The following ANXA7 variants were observed in gnomAD, a reference collection of about 807,000 sequenced individuals.
The protein encoded by ANXA7 is annexin VII.
A neutral mutation model predicts 64.9 loss-of-function variants in ANXA7; 55 were observed. That is an observed-to-expected ratio of 0.85 (90% CI 0.68 to 1.06). The LOEUF (loss-of-function observed/expected upper bound fraction) is 1.06. Among genes scored for constraint, ANXA7 ranks in the 50% least tolerant of loss-of-function variants. ANXA7 has a pLI of 0.00. For missense variants in ANXA7, 548 were observed against 582.1 expected (o/e 0.94, Z 0.60); for synonymous variants, 200 against 192.4 (o/e 1.04, Z -0.33).
chr10:73,377,767 G>GTGT (rs2055199324), intron 12 of ANXA7, among the ~76,000 whole-genome samples: 5 of 114,204 alleles, frequency 4.4e-5, no homozygotes, highest in African/African-American at 2.3e-4. Context: ...CCGGGGGGTG[G>GTGT]GTGTGGGTGT....
At chr10:73,398,017 A>C (rs144498013) in intron 3 of ANXA7, among the ~76,000 whole-genome samples, 164 bp downstream of exon 3, 141 of 152,312 alleles carry the variant, frequency 9.3e-4, no homozygotes, top group African/African-American at 3.1e-3. Context: ...ATGTCCCCAG[A>C]GAATCTTCAT....
chr10:73,379,759 G>A (rs936810970), intron 11 of ANXA7, 120 bp downstream of exon 11: 1 of 956,830 alleles, frequency 1.0e-6, no homozygotes, highest in African/African-American at 1.6e-5. Flanking sequence ...CAAAGGATTA[G>A]ATCAGCTACT....
chr10:73,402,037 T>A (rs983462369), intron 1 of ANXA7, among the ~76,000 whole-genome samples: 1 of 152,178 alleles, frequency 6.6e-6, no homozygotes, highest in Non-Finnish European at 1.5e-5. Flanking sequence ...TTAAAATAAA[T>A]ACTTAGCTAT....
intron 5 of ANXA7, among the ~76,000 whole-genome samples, chr10:73,392,157 T>C (rs1357349699): frequency 1.3e-5 from 2 of 152,078 alleles, no homozygotes; most frequent in African/African-American, 2.4e-5. Context: ...CAGGAAGAAG[T>C]TGAATCCCTG....
intron 7 of ANXA7, among the ~76,000 whole-genome samples, chr10:73,387,483 C>T (rs2055393648): frequency 6.6e-6 from 1 of 152,144 alleles, no homozygotes; most frequent in Non-Finnish European, 1.5e-5. Context: ...CCATTGCACT[C>T]CAGCCTGGAT....
intron 5 of ANXA7, among the ~76,000 whole-genome samples, chr10:73,390,719 T>TATAA (rs1458317787): frequency 5.4e-5 from 6 of 111,922 alleles, no homozygotes; most frequent in African/African-American, 2.6e-4. Flanking sequence ...TATATATATA[T>TATAA]AAAAATATAT....
intron 7 of ANXA7, among the ~76,000 whole-genome samples, chr10:73,384,552 C>T (rs2055331087): frequency 6.6e-6 from 1 of 152,026 alleles, no homozygotes; most frequent in African/African-American, 2.4e-5. Flanking sequence ...CAGGCACATC[C>T]CACCACGCCA....
At chr10:73,393,232 T>G (rs1371337440) in intron 5 of ANXA7, among the ~76,000 whole-genome samples, 2 of 152,110 alleles carry the variant, frequency 1.3e-5, no homozygotes, top group Non-Finnish European at 2.9e-5. Flanking sequence ...AACAAGAACA[T>G]TCCATGCTCA....
chr10:73,397,325 G>A, intron 3 of ANXA7, 51 bp from the exon 4 acceptor site: 1 of 1,176,028 alleles, frequency 8.5e-7, no homozygotes, highest in East Asian at 2.5e-5. Context: ...CATGATTGCA[G>A]AAAAAACTTT....
chr10:73,384,747 G>GT (rs2055336143), intron 7 of ANXA7, among the ~76,000 whole-genome samples: 1 of 152,084 alleles, frequency 6.6e-6, no homozygotes, highest in Admixed American at 6.6e-5. Context: ...AAAAAATAAT[G>GT]TAAGGTAACC....
chr10:73,407,549 C>G (rs181037060), intron 1 of ANXA7, among the ~76,000 whole-genome samples: 150 of 152,312 alleles, frequency 9.8e-4, no homozygotes, highest in African/African-American at 3.4e-3. Flanking sequence ...ATTTCTGGAT[C>G]TACACCTAAT....
At chr10:73,413,320 G>A (rs1401712401) in intron 1 of ANXA7, among the ~76,000 whole-genome samples, 1 of 152,182 alleles carries the variant, frequency 6.6e-6, no homozygotes, top group African/African-American at 2.4e-5. Flanking sequence ...GCCATCAGCT[G>A]GCAAAAATCA....
At chr10:73,384,047 G>T (rs1264751457) in intron 7 of ANXA7, among the ~76,000 whole-genome samples, 1 of 151,894 alleles carries the variant, frequency 6.6e-6, no homozygotes, top group Non-Finnish European at 1.5e-5. Context: ...CGTGAACCTG[G>T]GAGGCAGAGC....
intron 7 of ANXA7, among the ~76,000 whole-genome samples, chr10:73,385,494 T>G (rs1009680940): frequency 1.3e-5 from 2 of 152,102 alleles, no homozygotes; most frequent in East Asian, 3.8e-4. Flanking sequence ...AATAACCAAC[T>G]GCTAGGACAA....
chr10:73,376,239 T>G (rs762429938), intron 12 of ANXA7, 22 bp from the exon 13 acceptor site: 1 of 1,541,724 alleles, frequency 6.5e-7, no homozygotes, highest in Non-Finnish European at 8.7e-7. Flanking sequence ...ATAATATTTC[T>G]GTCAGAAAAA....
intron 1 of ANXA7, among the ~76,000 whole-genome samples, chr10:73,404,986 C>T (rs1000739690): frequency 2.0e-5 from 3 of 151,670 alleles, no homozygotes; most frequent in Admixed American, 6.6e-5. Flanking sequence ...CGGTGGCTCA[C>T]GCCTGTAATC....
At position 73,412,795 on chromosome 10, in the gene ANXA7, C is replaced by CTTT. The variant is rs55814659; in HGVS notation, c.-2+1214_-2+1216dup. Among the ~76,000 whole-genome samples the CTTT allele has an allele frequency of 1.6e-4, 21 of 131,616 alleles. 1 individual carries two copies. Among genetic ancestry groups the CTTT allele is most frequent in the African/African-American group, 5.6e-4 (20 of 35,996 alleles). The allele number at this position is 131,616 out of a possible 152,430, so 86.3% of individuals were successfully genotyped here. On this transcript the variant is annotated intron_variant, in intron 1 of 12. Transcript: ENST00000372921. ...ACAGGAGTGAGCCACCGCGCTCGGGCTTTTTTTTTTTTTTTTTTAAACATT... is the reference window on the plus strand; with the variant it reads ...ACAGGAGTGAGCCACCGCGCTCGGGCTTTTTTTTTTTTTTTTTTTTTAAACATT...
rs548067852 is a variant in ANXA7, at chr10:73,382,514, A to T, written c.918+661T>A. Among the ~76,000 whole-genome samples the T allele has an allele frequency of 3.3e-5, 5 of 152,044 alleles. No homozygotes were observed. The South Asian group carries it at 1.0e-3, about 32-fold the overall frequency. ...ATACCACCATGTTCGGCTAATTTTT[A>T]AAAATATTTTTTATAGAGATGGTTT... On this transcript the variant is annotated intron_variant, in intron 9 of 12. Transcript: ENST00000372921.
At chr10:73,383,809 C>G (rs1298856551) in intron 7 of ANXA7, 119 bp from the exon 8 acceptor site, 1 of 715,592 alleles carries the variant, frequency 1.4e-6, no homozygotes, top group African/African-American at 1.8e-5. Context: ...AATTTGAAAG[C>G]TGAATGTTAA....
Sources: allele counts gnomAD v4.1 joint callset (sites outside exome capture counted in the v4.1 genomes callset), GRCh38; gene constraint gnomAD v4.1.1; transcripts MANE v1.5; gene names NCBI Gene and HGNC (gene_info 2026-07-23, HGNC 2026-07-21).